Variants in ENPP1 observed in about 807,000 individuals in gnomAD.
ENPP1 encodes ectonucleotide pyrophosphatase/phosphodiesterase 1.
In ENPP1, 73 loss-of-function variants were observed where a neutral mutation model predicts 122.8. That is an observed-to-expected ratio of 0.59 (90% CI 0.49 to 0.72). The LOEUF (loss-of-function observed/expected upper bound fraction) is 0.72. Ranked by LOEUF, ENPP1 falls within the 30% of genes least tolerant of loss-of-function variation. The probability of loss-of-function intolerance (pLI) is 0.00; values close to 1 mark genes in which losing one functional copy is unlikely to be tolerated. For missense variants in ENPP1, 978 were observed against 1,128.1 expected (o/e 0.87, Z 1.91); for synonymous variants, 367 against 391.6 (o/e 0.94, Z 0.74).
intron 1 of ENPP1, among the ~76,000 whole-genome samples, chr6:131,813,317 C>CA (rs1463806718): frequency 1.3e-5 from 2 of 151,728 alleles, no homozygotes; most frequent in Non-Finnish European, 2.9e-5. Context: ...CCAGAATGAC[C>CA]AACATGGTGA....
At chr6:131,815,104 A>G (rs73780759) in intron 1 of ENPP1, among the ~76,000 whole-genome samples, 2,913 of 152,294 alleles carry the variant, frequency 0.019, 111 homozygotes, top group African/African-American at 0.065. Context: ...TTATTTGGGT[A>G]TAGGGAGATG....
intron 5 of ENPP1, among the ~76,000 whole-genome samples, chr6:131,853,263 T>G (rs1015169137): frequency 1.3e-5 from 2 of 152,122 alleles, no homozygotes; most frequent in African/African-American, 4.8e-5. Context: ...CAGAAGAGCC[T>G]TTTTTTAAGG....
chr6:131,837,518 CTCAA>C (rs1347211693), intron 1 of ENPP1, among the ~76,000 whole-genome samples: 1 of 86,810 alleles, frequency 1.2e-5, no homozygotes, highest in African/African-American at 5.9e-5. Context: ...GAGACTCTGT[CTCAA>C]AAAAAAAAAA....
chr6:131,886,751 G>A, intron 24 of ENPP1, 27 bp downstream of exon 24: 1 of 1,602,680 alleles, frequency 6.2e-7, no homozygotes, highest in Non-Finnish European at 8.5e-7. Flanking sequence ...TATTTACTTT[G>A]CATGTTGAAA....
rs369448799 is a variant in ENPP1, at chr6:131,819,074, A to G, written c.240+10799A>G. ...ATCCTTACACAAAATTGATGAAGAT[A>G]GCGAGGAATGTGGTTTTTTTTCATG... On this transcript the variant is annotated intron_variant, in intron 1 of 24. Transcript: ENST00000647893. Among the ~76,000 whole-genome samples, 101 of 152,330 alleles carry G rather than the reference A, an allele frequency of 6.6e-4. 3 individuals carry two copies. The South Asian group carries it at 0.02, about 31-fold the overall frequency.
chr6:131,835,286 A>G (rs1304208029), intron 1 of ENPP1, among the ~76,000 whole-genome samples: 3 of 152,120 alleles, frequency 2.0e-5, no homozygotes, highest in Non-Finnish European at 2.9e-5. Context: ...TAAAAAAATT[A>G]TTTTGTCAAT....
chr6:131,815,630 A>T (rs1485788367), intron 1 of ENPP1, among the ~76,000 whole-genome samples: 1 of 151,720 alleles, frequency 6.6e-6, no homozygotes, highest in Admixed American at 6.6e-5. Context: ...GAGAGACCTT[A>T]TGTGTTCTGT....
chr6:131,872,554 AC>A (rs1266629770), intron 14 of ENPP1, among the ~76,000 whole-genome samples: 1 of 152,162 alleles, frequency 6.6e-6, no homozygotes, highest in East Asian at 1.9e-4. Context: ...AATTGCACTT[AC>A]AAGGATGTTT....
chr6:131,850,364 A>T (rs1273320976), intron 3 of ENPP1, among the ~76,000 whole-genome samples: 1 of 152,158 alleles, frequency 6.6e-6, no homozygotes, highest in African/African-American at 2.4e-5. Context: ...AGCCTTTGTA[A>T]TCTAATTTGC....
intron 11 of ENPP1, among the ~76,000 whole-genome samples, 173 bp downstream of exon 11, chr6:131,865,111 G>A (rs915366733): frequency 2.6e-5 from 4 of 152,298 alleles, no homozygotes; most frequent in African/African-American, 7.2e-5. Flanking sequence ...TAAGAGTTGG[G>A]AGAATTGTTT....
intron 1 of ENPP1, chr6:131,827,865 GGA>G: frequency 7.1e-7 from 1 of 1,407,260 alleles, no homozygotes; most frequent in Non-Finnish European, 1.0e-6. Context: ...TCTTGGACTC[GGA>G]GAGTTTCAGA....
At chr6:131,883,164 G>A (rs544638354) in intron 21 of ENPP1, among the ~76,000 whole-genome samples, 114 of 152,258 alleles carry the variant, frequency 7.5e-4, no homozygotes, top group African/African-American at 2.5e-3. Context: ...CTCAACTACC[G>A]TCAGCATCCA....
intron 24 of ENPP1, among the ~76,000 whole-genome samples, chr6:131,889,404 G>T (rs1694319494): frequency 6.6e-6 from 1 of 151,748 alleles, no homozygotes; most frequent in Non-Finnish European, 1.5e-5. Flanking sequence ...CCTCCAACAG[G>T]CCCCAGTGTA....
At position 131,893,534 on chromosome 6, in the gene ENPP1, A is replaced by G. The variant is rs1283348693; in HGVS notation, c.*3023A>G. On this transcript the variant is annotated 3_prime_UTR_variant, in exon 25 of 25. Coordinates refer to ENST00000647893, the MANE Select transcript of ENPP1 (RefSeq NM_006208.3). ...GAACATTTTTGACATTTTCCCATTT[A>G]CAGCTACTTATATTTTCTACAAGTG... is the stretch of plus-strand genomic sequence containing the variant. The G allele has an allele frequency of 6.6e-6, 1 of 152,254 alleles. No homozygotes were observed. The allele number at this position is 152,254 out of a possible 1,614,324, so 9.4% of individuals were successfully genotyped here.
intron 1 of ENPP1, among the ~76,000 whole-genome samples, chr6:131,834,230 A>T (rs2327173): frequency 6.6e-6 from 1 of 152,174 alleles, no homozygotes; most frequent in Non-Finnish European, 1.5e-5. Flanking sequence ...TGCTGGTTAA[A>T]TTTTATCTTT....
At chr6:131,878,269 G>A (rs1022635395) in intron 18 of ENPP1, among the ~76,000 whole-genome samples, 1 of 151,914 alleles carries the variant, frequency 6.6e-6, no homozygotes, top group African/African-American at 2.4e-5. Flanking sequence ...GGTGACATAT[G>A]CCTGGAGTCC....
rs568800276 is a variant in ENPP1, at chr6:131,846,654, C to G, written c.241-1122C>G. On this transcript the variant is annotated intron_variant, in intron 1 of 24. Coordinates refer to ENST00000647893, the MANE Select transcript of ENPP1 (RefSeq NM_006208.3). ...CACTGATGTGCTGTTTTTAACTTCTCCTACCCAAGTAGAAACCCCTTGAGC... is the reference window on the plus strand; with the variant it reads ...CACTGATGTGCTGTTTTTAACTTCTGCTACCCAAGTAGAAACCCCTTGAGC... Among the ~76,000 whole-genome samples, 4 of 152,338 alleles carry G rather than the reference C, an allele frequency of 2.6e-5. No homozygotes were observed. In the East Asian group the frequency reaches 7.7e-4, roughly 29 times the overall value.
intron 16 of ENPP1, among the ~76,000 whole-genome samples, chr6:131,874,770 T>C (rs1000628848): frequency 2.6e-5 from 4 of 152,012 alleles, no homozygotes; most frequent in Non-Finnish European, 5.9e-5. Flanking sequence ...TTCACAGAAG[T>C]AGTCATGGAA....
chr6:131,861,320 G>T (rs1260784231), intron 8 of ENPP1, among the ~76,000 whole-genome samples: 1 of 152,174 alleles, frequency 6.6e-6, no homozygotes, highest in Non-Finnish European at 1.5e-5. Flanking sequence ...GCAAGTTAAA[G>T]ACATGTATAT....
Sources: allele counts gnomAD v4.1 joint callset (sites outside exome capture counted in the v4.1 genomes callset), GRCh38; gene constraint gnomAD v4.1.1; transcripts MANE v1.5; gene names NCBI Gene and HGNC (gene_info 2026-07-23, HGNC 2026-07-21).